The following SP140 variants were observed in gnomAD, a reference collection of about 807,000 sequenced individuals.
The protein encoded by SP140 is SP140 nuclear body protein.
A neutral mutation model predicts 125.0 loss-of-function variants in SP140; 81 were observed. The ratio of observed to expected loss-of-function variants is 0.65; its 90% CI spans 0.54 to 0.78. The LOEUF is 0.78. Ranked by LOEUF, SP140 falls within the 30% of genes least tolerant of loss-of-function variation. The pLI, the probability that SP140 is intolerant of heterozygous loss-of-function variation, is 0.00. For synonymous variants in SP140, 312 were observed against 354.0 expected, an observed-to-expected ratio of 0.88 and a Z score of 1.33; for missense variants, 858 against 1,037.0, an observed-to-expected ratio of 0.83 and a Z score of 2.37.
the SP140 span, among the ~76,000 whole-genome samples, chr2:230,197,336 G>T: frequency 6.6e-6 from 1 of 151,234 alleles, no homozygotes; most frequent in Non-Finnish European, 1.5e-5. Flanking sequence ...CTGCATAAAT[G>T]TCTTCTTTTG....
At chr2:230,297,903 A>G (rs1199569534) in intron 22 of SP140, among the ~76,000 whole-genome samples, 3 of 152,244 alleles carry the variant, frequency 2.0e-5, no homozygotes, top group Non-Finnish European at 4.4e-5. Context: ...GAAGATGGTC[A>G]TAAGCATCAG....
upstream of SP140, chr2:230,221,820 CAAACA>C (rs1174912645): frequency 1.7e-6 from 2 of 1,182,734 alleles, no homozygotes; most frequent in Non-Finnish European, 2.4e-6. Flanking sequence ...GCAAAACAAA[CAAACA>C]AAAGTAAAGC....
intron 17 of SP140, among the ~76,000 whole-genome samples, chr2:230,286,452 G>C (rs1042436875): frequency 6.6e-6 from 1 of 152,192 alleles, no homozygotes; most frequent in East Asian, 1.9e-4. Context: ...TCCAGGATTG[G>C]GGAGGTGAGA....
At position 230,211,580 on chromosome 2, in the gene SP140, A is replaced by G. The variant is rs1255812615; in HGVS notation, c.-322-2074A>G. On this transcript the variant is annotated intron_variant, in intron 1 of 4. Coordinates refer to the SP140 transcript ENST00000456542. This position sits in a 1 kb window ranked among gnomAD's most constrained non-coding sequence, Gnocchi z 4.2. Reference sequence around the variant, plus strand: ...TGAATGGAGGAAGAAAAAGTTTTAGATCTCAGGAACAGCAAGCAGGGACCA... The same window carrying G: ...TGAATGGAGGAAGAAAAAGTTTTAGGTCTCAGGAACAGCAAGCAGGGACCA... The G allele has an allele frequency of 7.3e-7, 1 of 1,362,872 alleles. No individual in the cohort carries two copies. 84.4% of individuals were successfully genotyped at this position (1,362,872 alleles called of 1,614,324 possible). A position where few individuals can be genotyped will look rare whatever the true frequency, so the allele number is the denominator to read the frequency against.
At chr2:230,198,598 T>A (rs1574656903), upstream of SP140, among the ~76,000 whole-genome samples, 2 of 118,018 alleles carry the variant, frequency 1.7e-5, no homozygotes, top group South Asian at 3.9e-4. Flanking sequence ...ATGATAGAAT[T>A]TTTTTTTCTT....
At chr2:230,267,393 A>T (rs2053286534) in intron 12 of SP140, among the ~76,000 whole-genome samples, 1 of 152,218 alleles carries the variant, frequency 6.6e-6, no homozygotes, top group South Asian at 2.1e-4. Flanking sequence ...TGCAGAATAG[A>T]TCCCTACCTA....
At chr2:230,313,702 T>C (rs1409915997), downstream of SP140, among the ~76,000 whole-genome samples, 3 of 152,174 alleles carry the variant, frequency 2.0e-5, no homozygotes, top group African/African-American at 7.2e-5. Context: ...GGAAGCGAGC[T>C]CTGAGGACAG....
At chr2:230,263,405 G>A (rs1157790986) in intron 12 of SP140, among the ~76,000 whole-genome samples, 3 of 152,018 alleles carry the variant, frequency 2.0e-5, no homozygotes, top group South Asian at 2.1e-4. Context: ...AGTTCTTATC[G>A]GTTCTGTGGT....
chr2:230,222,604 G>A (rs189301372), upstream of SP140, among the ~76,000 whole-genome samples: 186 of 151,782 alleles, frequency 1.2e-3, 2 homozygotes, highest in Middle Eastern at 3.4e-3. Flanking sequence ...TACACCTGTG[G>A]TCCCCGCTAT....
At chr2:230,236,078 T>C (rs1198221497) in intron 1 of SP140, among the ~76,000 whole-genome samples, 1 of 152,114 alleles carries the variant, frequency 6.6e-6, no homozygotes, top group African/African-American at 2.4e-5. Flanking sequence ...GGTTTCACCA[T>C]GTTAGCCAGG....
At chr2:230,221,894 ACAG>A, upstream of SP140, 1 of 653,620 alleles carries the variant, frequency 1.5e-6, no homozygotes, top group Middle Eastern at 2.5e-4. Context: ...TGAAAAAAAG[ACAG>A]CTGCGAATGA....
chr2:230,212,030 T>C (rs1397018352), intron 1 of SP140, among the ~76,000 whole-genome samples: 2 of 152,200 alleles, frequency 1.3e-5, no homozygotes, highest in African/African-American at 4.8e-5. Context: ...TTTGATAACA[T>C]TGTTCTTAGA....
chr2:230,211,957 A>G lies in SP140; in HGVS notation c.-322-1697A>G, dbSNP rs1169670916. Among the ~76,000 whole-genome samples the G allele has an allele frequency of 1.3e-5, 2 of 152,232 alleles. No homozygotes were observed. The highest frequency in any genetic ancestry group is 2.9e-5 in the Non-Finnish European group (2 of 68,046). On this transcript the variant is annotated intron_variant, in intron 1 of 4. Transcript: ENST00000456542. This position sits in a 1 kb window ranked among gnomAD's most constrained non-coding sequence, Gnocchi z 4.2. Reference sequence around the variant, plus strand: ...TGGTTTGGGGAGGACAAGTGATACAATTTGAGAAGCTAAATATTAGGTCTA... The same window carrying G: ...TGGTTTGGGGAGGACAAGTGATACAGTTTGAGAAGCTAAATATTAGGTCTA...
chr2:230,310,818 C>T lies in SP140; in HGVS notation c.2250C>T (p.Val750=), dbSNP rs1575394699. ...AACAGTGTTGTCAGGAATCTGAGGT[C>T]CTGGAGAGGCAGATGTGTCCTGAGG... is the stretch of plus-strand genomic sequence containing the variant. The part of the protein sequence containing the change: ...GSQQCCQESE[V]LERQMCPEEQ... The change falls in exon 24 of 27, where the codon GTC becomes GTT. Residue 750 remains valine, a synonymous_variant. Transcript: ENST00000392045. 1 of 1,441,808 alleles carries T rather than the reference C, an allele frequency of 6.9e-7. No individual in the cohort carries two copies. The highest frequency in any genetic ancestry group is 1.3e-5 in the South Asian group (1 of 79,216). The allele number at this position is 1,441,808 out of a possible 1,614,324, so 89.3% of individuals were successfully genotyped here.
chr2:230,237,165 G>A lies in SP140; in HGVS notation c.142G>A (p.Glu48Lys). The change falls in exon 2 of 27, where the codon GAA becomes AAA. Residue 48 changes from glutamate (E) to lysine (K), a missense_variant. Transcript: ENST00000392045. The surrounding 1 kb of genome is among the most constrained non-coding windows in gnomAD (Gnocchi z 5.4). Reference protein sequence around the residue: ...CPEPIFRFFRENKVEIASAIT... With the variant: ...CPEPIFRFFRKNKVEIASAIT... The stretch of plus-strand genomic sequence containing the variant: ...TGAGCCCATTTTCAGGTTCTTCAGA[G>A]AAAACAAGGTGGAGATTGCAAGTGC... The A allele has an allele frequency of 6.2e-7, 1 of 1,613,812 alleles. No homozygotes were observed. The highest frequency in any genetic ancestry group is 8.5e-7 in the Non-Finnish European group (1 of 1,179,848).
At position 230,266,525 on chromosome 2, in the gene SP140, A is replaced by G. The variant is rs115835535; in HGVS notation, c.1241-3007A>G. 2.9e-3 allele frequency among the ~76,000 whole-genome samples: 442 copies of G among 152,324 alleles called. 4 individuals carry two copies. The highest frequency in any genetic ancestry group is 9.6e-3 in the African/African-American group (399 of 41,582). On this transcript the variant is annotated intron_variant, in intron 12 of 26. Transcript: ENST00000392045. ...TGGCTTACTACAATACCCACTTGTT[A>G]TCTCACAGTCCTGCCAGCAGAAGTG...
chr2:230,228,429 A>C (rs1247877234), intron 1 of SP140, among the ~76,000 whole-genome samples: 2 of 152,222 alleles, frequency 1.3e-5, no homozygotes, highest in Non-Finnish European at 2.9e-5. Context: ...CATCAGGTCA[A>C]CTACACCCTT....
intron 3 of SP140, chr2:230,217,042 T>C (rs1574794062): frequency 1.4e-5 from 11 of 778,786 alleles, no homozygotes; most frequent in South Asian, 1.4e-4. Context: ...GGTCAAGAGA[T>C]TGAGACCATC....
intron 12 of SP140, among the ~76,000 whole-genome samples, chr2:230,262,294 G>A (rs941240643): frequency 1.3e-5 from 2 of 152,036 alleles, no homozygotes; most frequent in African/African-American, 2.4e-5. Flanking sequence ...GTCAGTTGTA[G>A]TATTTCCTGT....
Sources: gnomAD v4.1 joint callset for allele counts (sites outside exome capture counted in the v4.1 genomes callset) on GRCh38, gnomAD v4.1.1 for gene constraint, Gnocchi (gnomAD v3.1) non-coding constraint, MANE v1.5 for transcripts, NCBI Gene and HGNC (gene_info 2026-07-23, HGNC 2026-07-21) for gene names.